MECOM: variants seen among roughly 807,000 people sequenced by gnomAD.
MECOM encodes MDS1 and EVI1 complex locus.
In MECOM, 13 loss-of-function variants were observed where a neutral mutation model predicts 116.3. The ratio of observed to expected loss-of-function variants is 0.11; its 90% confidence interval spans 0.07 to 0.18. MECOM has a LOEUF of 0.18. Among genes scored for constraint, MECOM ranks in the 10% least tolerant of loss-of-function variants. The pLI is 1.00. For synonymous variants in MECOM, 528 were observed against 535.2 expected (o/e 0.99, Z 0.19); for missense variants, 1,299 against 1,509.0 (o/e 0.86, Z 2.31).
rs1217384777 is a variant in MECOM at position 169,182,610 on chromosome 3, C to T, written c.376-38778G>A. On this transcript the variant is annotated intron_variant, in intron 2 of 16. Transcript: ENST00000651503. ...CAGAGATTAAGCACATGTGCCAAAG[C>T]TTATATACTTTTCTTAAAAGAAAGT... Among the ~76,000 whole-genome samples the T allele has an allele frequency of 2.6e-5, 4 of 152,292 alleles. No homozygotes were observed. The South Asian group carries it at 8.3e-4, about 32-fold the overall frequency.
chr3:169,584,025 C>T (rs1459474037), intron 1 of MECOM, among the ~76,000 whole-genome samples: 1 of 152,120 alleles, frequency 6.6e-6, no homozygotes, highest in East Asian at 1.9e-4. Context: ...ACTGCAAGCC[C>T]CAATTATTCT....
Position 169,485,937 on chromosome 3 carries a change from A to G in MECOM, c.38-104413T>C, listed in dbSNP as rs1211864876. Among the ~76,000 whole-genome samples, 250 of 70,110 alleles carry G rather than the reference A, an allele frequency of 3.6e-3. 2 individuals carry two copies. Among genetic ancestry groups the G allele is most frequent in the African/African-American group, 0.014 (211 of 14,668 alleles). The allele number at this position is 70,110 out of a possible 152,430, so 46.0% of individuals were successfully genotyped here. On this transcript the variant is annotated intron_variant, in intron 1 of 16. Coordinates refer to ENST00000651503, the MANE Select transcript of MECOM (RefSeq NM_004991.4). The stretch of plus-strand genomic sequence containing the variant: ...TATGTATATATAGTATATATAGTAT[A>G]TATGTATGTATATATGTACATATAT...
At chr3:169,087,047 T>C (rs1489040594) in intron 16 of MECOM, among the ~76,000 whole-genome samples, 2 of 152,174 alleles carry the variant, frequency 1.3e-5, no homozygotes, top group Non-Finnish European at 2.9e-5. Flanking sequence ...CTATATAACA[T>C]GATCAAGTAA....
chr3:169,495,057 T>C (rs1753645578), intron 1 of MECOM, among the ~76,000 whole-genome samples: 1 of 152,212 alleles, frequency 6.6e-6, no homozygotes, highest in African/African-American at 2.4e-5. Context: ...TAGTCCTTCA[T>C]ACAGTTGAGG....
intron 1 of MECOM, among the ~76,000 whole-genome samples, chr3:169,563,594 C>G (rs763649781): frequency 6.6e-6 from 1 of 152,122 alleles, no homozygotes; most frequent in East Asian, 1.9e-4. Context: ...GATTGACCCT[C>G]CTCCTTCCTG....
chr3:169,121,356 A>G, intron 6 of MECOM, 147 bp from the exon 7 acceptor site: 2 of 755,006 alleles, frequency 2.6e-6, no homozygotes, highest in Non-Finnish European at 4.1e-6. Context: ...TCTAATTTCC[A>G]AAATGTACTC....
chr3:169,233,230 A>G lies in MECOM; in HGVS notation c.376-89398T>C, dbSNP rs77232549. ...GGGTCCCAAACATGGTGCTGTACCA[A>G]CACCAGAGAATACAGAACATCATCC... On this transcript the variant is annotated intron_variant, in intron 2 of 16. Transcript: ENST00000651503. 2.5e-3 allele frequency among the ~76,000 whole-genome samples: 376 copies of G among 152,242 alleles called. 4 individuals carry two copies. The East Asian group carries it at 0.026, about 11-fold the overall frequency.
intron 10 of MECOM, among the ~76,000 whole-genome samples, chr3:169,103,451 C>T (rs1172165227): frequency 3.3e-5 from 5 of 152,136 alleles, no homozygotes; most frequent in Non-Finnish European, 7.4e-5. Flanking sequence ...TTATTTGATT[C>T]TCAGGGCAGT....
intron 1 of MECOM, among the ~76,000 whole-genome samples, chr3:169,442,362 G>A (rs900809350): frequency 5.3e-5 from 8 of 152,290 alleles, no homozygotes; most frequent in Non-Finnish European, 1.0e-4. Flanking sequence ...GCCCAGGCTT[G>A]TGTTACACTT....
At chr3:169,639,263 G>T (rs1773178220) in intron 1 of MECOM, among the ~76,000 whole-genome samples, 1 of 152,180 alleles carries the variant, frequency 6.6e-6, no homozygotes, top group South Asian at 2.1e-4. Flanking sequence ...AGATGGGCAT[G>T]TATCCCACGT....
chr3:169,401,463 A>G (rs1735894469), intron 1 of MECOM, among the ~76,000 whole-genome samples: 1 of 152,226 alleles, frequency 6.6e-6, no homozygotes, highest in South Asian at 2.1e-4. Flanking sequence ...GACTTTGGAA[A>G]CCAAAATACC....
At chr3:169,295,551 C>A (rs1232461114) in intron 2 of MECOM, among the ~76,000 whole-genome samples, 1 of 152,148 alleles carries the variant, frequency 6.6e-6, no homozygotes, top group Non-Finnish European at 1.5e-5. Context: ...GGGCATAGTA[C>A]TTGTAGAAAA....
At chr3:169,448,957 C>T (rs1315565812) in intron 1 of MECOM, among the ~76,000 whole-genome samples, 1 of 152,098 alleles carries the variant, frequency 6.6e-6, no homozygotes, top group Non-Finnish European at 1.5e-5. Flanking sequence ...ATTTTTGACC[C>T]TGAAATTTTA....
intron 1 of MECOM, among the ~76,000 whole-genome samples, chr3:169,397,966 G>A (rs954122795): frequency 6.6e-6 from 1 of 152,142 alleles, no homozygotes; most frequent in Non-Finnish European, 1.5e-5. Flanking sequence ...CTTCTGGGCT[G>A]TTGATTTTGG....
In MECOM at chr3:169,544,819, A is replaced by G. The variant is rs1231092050; in HGVS notation, c.37+118517T>C. On this transcript the variant is annotated intron_variant, in intron 1 of 16. Coordinates refer to ENST00000651503, the MANE Select transcript of MECOM (RefSeq NM_004991.4). ...CTCACTCATAAGTGGGAGTTGAACA[A>G]TGAGAACACATGGACACAGGGAGGG... is the stretch of plus-strand genomic sequence containing the variant. Among the ~76,000 whole-genome samples, 4 of 152,302 alleles carry G rather than the reference A, an allele frequency of 2.6e-5. No homozygotes were observed. The South Asian group carries it at 6.2e-4, about 24-fold the overall frequency.
At chr3:169,348,467 T>C (rs978883370) in intron 2 of MECOM, among the ~76,000 whole-genome samples, 30 of 152,106 alleles carry the variant, frequency 2.0e-4, no homozygotes, top group Admixed American at 6.6e-5. Flanking sequence ...TCCTGACTCA[T>C]AGCCTTAACT....
chr3:169,217,240 A>C (rs966406049), intron 2 of MECOM, among the ~76,000 whole-genome samples: 1 of 152,138 alleles, frequency 6.6e-6, no homozygotes, highest in Non-Finnish European at 1.5e-5. Flanking sequence ...GCCTGCATAC[A>C]TGAACTATAG....
At chr3:169,086,086 G>A (rs1473612782) in intron 16 of MECOM, among the ~76,000 whole-genome samples, 1 of 152,100 alleles carries the variant, frequency 6.6e-6, no homozygotes, top group Non-Finnish European at 1.5e-5. Flanking sequence ...GGTTTCTTCC[G>A]TAATCATTGC....
chr3:169,205,426 T>C (rs1400120460), intron 2 of MECOM, among the ~76,000 whole-genome samples: 2 of 152,220 alleles, frequency 1.3e-5, no homozygotes, highest in Non-Finnish European at 2.9e-5. Context: ...ATGTACAGAA[T>C]ACTAATTTGA....
Sources: allele counts gnomAD v4.1 joint callset (sites outside exome capture counted in the v4.1 genomes callset), GRCh38; gene constraint gnomAD v4.1.1; transcripts MANE v1.5; gene names NCBI Gene and HGNC (gene_info 2026-07-23, HGNC 2026-07-21).